Variants in EXT2 observed in about 807,000 individuals in gnomAD.
The protein encoded by EXT2 is exostosin-2.
A neutral mutation model predicts 81.6 loss-of-function variants in EXT2; 53 were observed. That is an observed-to-expected ratio of 0.65 (90% CI 0.52 to 0.82). EXT2 has a LOEUF of 0.82. Ranked by LOEUF, EXT2 falls within the 40% of genes least tolerant of loss-of-function variation. EXT2 has a pLI of 0.00. For missense variants in EXT2, 774 were observed against 910.2 expected, an observed-to-expected ratio of 0.85 and a Z score of 1.93; for synonymous variants, 320 against 340.0, an observed-to-expected ratio of 0.94 and a Z score of 0.65.
rs1396448351 is a variant in EXT2 at position 44,184,500 on chromosome 11, C to T, written c.1305+12758C>T. Among the ~76,000 whole-genome samples the T allele has an allele frequency of 9.9e-5, 15 of 152,182 alleles. No individual in the cohort carries two copies. In the East Asian group the frequency reaches 2.3e-3, roughly 23 times the overall value. ...GGCGCGGTGGCTCACGCCTATAATC[C>T]CAGCACTTTGGGAGGCCGAGGGGGG... On this transcript the variant is annotated intron_variant, in intron 8 of 13. Transcript: ENST00000533608.
intron 3 of EXT2, among the ~76,000 whole-genome samples, chr11:44,110,951 A>C (rs1954133880): frequency 6.6e-6 from 1 of 152,128 alleles, no homozygotes; most frequent in Non-Finnish European, 1.5e-5. Context: ...TGGGGTAAGG[A>C]ATAGTAGATT....
rs1056928511 is a variant in EXT2 at position 44,244,641 on chromosome 11, C to A, written c.*354C>A. 2.5e-6 allele frequency: 1 copy of A among 402,398 alleles called. No homozygotes were observed. Among genetic ancestry groups the A allele is most frequent in the Non-Finnish European group, 4.7e-6 (1 of 214,984 alleles). The allele number at this position is 402,398 out of a possible 1,614,324, so 24.9% of individuals were successfully genotyped here. A position where few individuals can be genotyped will look rare whatever the true frequency, so the allele number is the denominator to read the frequency against. On this transcript the variant is annotated 3_prime_UTR_variant, in exon 14 of 14. Transcript: ENST00000533608. ...GGAAACTTCACGGACAGGAAGACTG[C>A]TGGAGAAGAGAAGCGTGTTAGCCCA...
At chr11:44,113,308 G>C (rs2134981741) in intron 3 of EXT2, among the ~76,000 whole-genome samples, 1 of 152,334 alleles carries the variant, frequency 6.6e-6, no homozygotes, top group South Asian at 2.1e-4. Flanking sequence ...TGGTTTCTCA[G>C]TTGAGACATC....
At chr11:44,201,571 CT>C (rs1245692325) in intron 9 of EXT2, among the ~76,000 whole-genome samples, 10 of 152,102 alleles carry the variant, frequency 6.6e-5, no homozygotes, top group African/African-American at 9.7e-5. Flanking sequence ...CACTAAGCCC[CT>C]CTGTGTCTAT....
At chr11:44,161,842 CA>C (rs1361855849) in intron 7 of EXT2, among the ~76,000 whole-genome samples, 1 of 152,176 alleles carries the variant, frequency 6.6e-6, no homozygotes, top group Non-Finnish European at 1.5e-5. Flanking sequence ...TAGTATTCTC[CA>C]AAATCTATAA....
chr11:44,174,770 T>C (rs894621957), intron 8 of EXT2, among the ~76,000 whole-genome samples: 1 of 152,208 alleles, frequency 6.6e-6, no homozygotes, highest in African/African-American at 2.4e-5. Context: ...TAAATCATGA[T>C]TTGAATGTTA....
intron 8 of EXT2, among the ~76,000 whole-genome samples, chr11:44,195,497 A>G (rs1303105582): frequency 2.0e-5 from 3 of 152,276 alleles, no homozygotes; most frequent in Non-Finnish European, 4.4e-5. Context: ...AAATCTAATT[A>G]TAGCATGTTG....
intron 7 of EXT2, among the ~76,000 whole-genome samples, chr11:44,161,520 T>A (rs1007722477): frequency 1.3e-5 from 2 of 151,936 alleles, no homozygotes; most frequent in African/African-American, 4.8e-5. Context: ...AAAAAAAAAG[T>A]AATATTCAGT....
chr11:44,163,646 T>C (rs1439127784), intron 7 of EXT2, among the ~76,000 whole-genome samples: 1 of 152,252 alleles, frequency 6.6e-6, no homozygotes, highest in East Asian at 1.9e-4. Context: ...CCGTGATGCA[T>C]GGAAATATTT....
At position 44,102,413 on chromosome 11, in the gene EXT2, G is replaced by GA. The variant is rs1333193782; in HGVS notation, c.-30-5268dup. On this transcript the variant is annotated intron_variant, in intron 1 of 13. Coordinates refer to ENST00000533608, the MANE Select transcript of EXT2 (RefSeq NM_207122.2). ...TTGCCCACTGCAGTAACCAGCCTAA[G>GA]AACACACTTTTTATTGGCTTTGCCC... is the stretch of plus-strand genomic sequence containing the variant. 3.3e-5 allele frequency among the ~76,000 whole-genome samples: 5 copies of GA among 151,958 alleles called. No individual in the cohort carries two copies. In the East Asian group the frequency reaches 9.7e-4, roughly 29 times the overall value.
chr11:44,161,730 C>T (rs1441689056), intron 7 of EXT2, among the ~76,000 whole-genome samples: 1 of 152,074 alleles, frequency 6.6e-6, no homozygotes, highest in Non-Finnish European at 1.5e-5. Flanking sequence ...CCTGGCAGAC[C>T]TCACCTTAAC....
chr11:44,099,559 T>A (rs1302049106), intron 1 of EXT2, among the ~76,000 whole-genome samples: 1 of 152,044 alleles, frequency 6.6e-6, no homozygotes, highest in Non-Finnish European at 1.5e-5. Context: ...TGAACTCAAG[T>A]GATTCTTCCG....
In EXT2 at chr11:44,194,074, AT is replaced by A. The variant is rs1955426900; in HGVS notation, c.1306-3753del. On this transcript the variant is annotated intron_variant, in intron 8 of 13. Transcript: ENST00000533608. The stretch of plus-strand genomic sequence containing the variant: ...GCTGCCTCAGTTTAAATGCCAAGGC[AT>A]TCGTTTTGTGAGCCTAAGCTTTGCA... Among the ~76,000 whole-genome samples, 3 of 152,328 alleles carry A rather than the reference AT, an allele frequency of 2.0e-5. No homozygotes were observed. The South Asian group carries it at 6.2e-4, about 32-fold the overall frequency.
intron 7 of EXT2, among the ~76,000 whole-genome samples, chr11:44,162,361 A>C (rs1354510311): frequency 6.6e-6 from 1 of 152,184 alleles, no homozygotes; most frequent in Non-Finnish European, 1.5e-5. Context: ...AGGTCACCTG[A>C]GGTCAGGTGT....
At chr11:44,232,332 T>C (rs1955908692) in intron 10 of EXT2, 21 bp from the exon 11 acceptor site, 1 of 1,613,368 alleles carries the variant, frequency 6.2e-7, no homozygotes, top group Non-Finnish European at 8.5e-7. Context: ...GACTTGATTG[T>C]TATTATGTGT....
chr11:44,104,444 G>T (rs932838645), intron 1 of EXT2, among the ~76,000 whole-genome samples: 3 of 152,106 alleles, frequency 2.0e-5, no homozygotes, highest in Non-Finnish European at 2.9e-5. Flanking sequence ...CACTATTAAA[G>T]GGTAGTTTGT....
rs71035677 is a variant in EXT2, at chr11:44,101,944, T to TAAAA, written c.-30-5721_-30-5718dup. Reference sequence around the variant, plus strand: ...GGTGCTGCTTGACTTGTATAATCAGTAAAAAAAAAAAAAAAAAAAAATTAA... The same window carrying TAAAA: ...GGTGCTGCTTGACTTGTATAATCAGTAAAAAAAAAAAAAAAAAAAAAAAAATTAA... On this transcript the variant is annotated intron_variant, in intron 1 of 13. Coordinates refer to ENST00000533608, the MANE Select transcript of EXT2 (RefSeq NM_207122.2). Among the ~76,000 whole-genome samples, 11 of 131,166 alleles carry TAAAA rather than the reference T, an allele frequency of 8.4e-5. No individual in the cohort carries two copies. The South Asian group carries it at 1.0e-3, about 12-fold the overall frequency. The allele number at this position is 131,166 out of a possible 152,430, so 86.0% of individuals were successfully genotyped here.
At position 44,220,410 on chromosome 11, in the gene EXT2, A is replaced by G. The variant is rs1028077711; in HGVS notation, c.1663-11943A>G. 2.6e-5 allele frequency among the ~76,000 whole-genome samples: 4 copies of G among 152,302 alleles called. No homozygotes were observed. Among genetic ancestry groups the G allele is most frequent in the African/African-American group, 7.2e-5 (3 of 41,568 alleles). On this transcript the variant is annotated intron_variant, in intron 10 of 13. Transcript: ENST00000533608. This position sits in a 1 kb window ranked among gnomAD's most constrained non-coding sequence, Gnocchi z 4.4. ...ATGTCAGTACAGTATTGAAAAGAGCATATCTCTGTCTGTTACCTCCATTTT... is the reference window on the plus strand; with the variant it reads ...ATGTCAGTACAGTATTGAAAAGAGCGTATCTCTGTCTGTTACCTCCATTTT...
chr11:44,119,615 G>T (rs578163499), intron 4 of EXT2, among the ~76,000 whole-genome samples: 2 of 152,320 alleles, frequency 1.3e-5, no homozygotes, highest in African/African-American at 2.4e-5. Context: ...AACCACATTT[G>T]TTTGTGCAGT....
Sources: allele counts gnomAD v4.1 joint callset (sites outside exome capture counted in the v4.1 genomes callset), GRCh38; gene constraint gnomAD v4.1.1; non-coding constraint Gnocchi (gnomAD v3.1); transcripts MANE v1.5; gene names NCBI Gene and HGNC (gene_info 2026-07-23, HGNC 2026-07-21).